Variants in NCKAP5 observed in about 807,000 individuals in gnomAD.
NCKAP5 encodes nck-associated protein 5.
NCKAP5 carries 92 observed loss-of-function variants against 167.0 expected under a neutral mutation model. The ratio of observed to expected loss-of-function variants is 0.55; its 90% CI spans 0.47 to 0.66. The LOEUF (loss-of-function observed/expected upper bound fraction) is 0.66, where lower values mean the gene tolerates loss of function less well. Ranked by LOEUF, NCKAP5 falls within the 30% of genes least tolerant of loss-of-function variation. The pLI, the probability that NCKAP5 is intolerant of heterozygous loss-of-function variation, is 0.00. For synonymous variants in NCKAP5, 891 were observed against 877.4 expected (o/e 1.02, Z -0.27); for missense variants, 2,378 against 2,315.0 (o/e 1.03, Z -0.56).
the NCKAP5 span, among the ~76,000 whole-genome samples, chr2:133,589,409 G>A: frequency 1.3e-5 from 2 of 152,156 alleles, no homozygotes; most frequent in Non-Finnish European, 2.9e-5. Context: ...TTTCACGGGG[G>A]AATTGGGAGT....
At chr2:133,105,181 A>G (rs1380594132) in intron 6 of NCKAP5, among the ~76,000 whole-genome samples, 1 of 152,250 alleles carries the variant, frequency 6.6e-6, no homozygotes, top group Non-Finnish European at 1.5e-5. Flanking sequence ...AATTACACCT[A>G]AAATATACTT....
intron 6 of NCKAP5, among the ~76,000 whole-genome samples, chr2:133,055,659 C>T (rs1271834098): frequency 1.3e-5 from 2 of 152,032 alleles, no homozygotes; most frequent in African/African-American, 4.8e-5. Context: ...AATGCACACA[C>T]AGAGGATGAA....
At chr2:132,707,463 G>A (rs1456935039) in intron 19 of NCKAP5, among the ~76,000 whole-genome samples, 1 of 152,224 alleles carries the variant, frequency 6.6e-6, no homozygotes, top group African/African-American at 2.4e-5. Context: ...GGCAAGTCCT[G>A]GGACTGTGCT....
chr2:133,654,651 G>A, the NCKAP5 span, among the ~76,000 whole-genome samples: 5 of 152,136 alleles, frequency 3.3e-5, no homozygotes, highest in South Asian at 4.2e-4. Context: ...AATGACTATC[G>A]CATATTTGCA....
chr2:133,048,334 T>C (rs1315708599), intron 6 of NCKAP5, among the ~76,000 whole-genome samples: 1 of 152,174 alleles, frequency 6.6e-6, no homozygotes, highest in Non-Finnish European at 1.5e-5. Flanking sequence ...TTGGGGACAA[T>C]TAAATGTGCC....
At chr2:133,599,092 G>C in the NCKAP5 span, among the ~76,000 whole-genome samples, 1 of 152,152 alleles carries the variant, frequency 6.6e-6, no homozygotes, top group Admixed American at 6.5e-5. Flanking sequence ...AGTGGATTAG[G>C]GTTCACCCTA....
chr2:132,958,264 C>T (rs1431024071), intron 8 of NCKAP5, among the ~76,000 whole-genome samples: 1 of 152,168 alleles, frequency 6.6e-6, no homozygotes, highest in African/African-American at 2.4e-5. Context: ...ATTCCCATTA[C>T]ATCCCTCTAG....
intron 7 of NCKAP5, among the ~76,000 whole-genome samples, chr2:132,985,669 C>T (rs1242228380): frequency 6.6e-6 from 1 of 152,112 alleles, no homozygotes; most frequent in African/African-American, 2.4e-5. Flanking sequence ...CCACTTAAAA[C>T]AAAAGAGGAA....
chr2:133,458,770 GATAA>G, intron 3 of NCKAP5, among the ~76,000 whole-genome samples: 1 of 152,276 alleles, frequency 6.6e-6, no homozygotes, highest in East Asian at 1.9e-4. Flanking sequence ...AGAGGAGGCT[GATAA>G]GGACTCTCGG....
At chr2:132,932,994 G>T (rs536701547) in intron 8 of NCKAP5, among the ~76,000 whole-genome samples, 2 of 143,756 alleles carry the variant, frequency 1.4e-5, no homozygotes, top group African/African-American at 5.3e-5. Flanking sequence ...GAACGATCTC[G>T]GCTCACTGCA....
chr2:133,102,031 T>C (rs2081530643), intron 6 of NCKAP5, among the ~76,000 whole-genome samples: 1 of 152,188 alleles, frequency 6.6e-6, no homozygotes, highest in South Asian at 2.1e-4. Flanking sequence ...GGAAAAGTGA[T>C]TTTCAAAACT....
At chr2:133,221,501 G>C (rs2086662114) in intron 4 of NCKAP5, among the ~76,000 whole-genome samples, 1 of 152,150 alleles carries the variant, frequency 6.6e-6, no homozygotes, top group South Asian at 2.1e-4. Context: ...CTACAGGCCT[G>C]GTACCATTCT....
chr2:133,503,469 G>T (rs539955361), intron 3 of NCKAP5, among the ~76,000 whole-genome samples: 9 of 152,306 alleles, frequency 5.9e-5, no homozygotes, highest in South Asian at 2.1e-4. Context: ...TAGTAGCAGA[G>T]CTGGGTCTTT....
chr2:133,553,941 C>T (rs72992377), intron 2 of NCKAP5, among the ~76,000 whole-genome samples: 12,868 of 152,182 alleles, frequency 0.085, 887 homozygotes, highest in African/African-American at 0.19. Context: ...GGAACCTCTA[C>T]TCAGTTCTCA....
intron 7 of NCKAP5, among the ~76,000 whole-genome samples, chr2:132,989,176 T>C (rs1176351163): frequency 3.9e-5 from 6 of 152,244 alleles, no homozygotes; most frequent in African/African-American, 1.4e-4. Flanking sequence ...AGTTCTGTGA[T>C]TATTTGCATC....
At chr2:132,702,713 C>T (rs1429518116) in intron 19 of NCKAP5, among the ~76,000 whole-genome samples, 1 of 152,070 alleles carries the variant, frequency 6.6e-6, no homozygotes, top group Non-Finnish European at 1.5e-5. Flanking sequence ...ATCATCACTC[C>T]CAATCAAACT....
intron 3 of NCKAP5, among the ~76,000 whole-genome samples, chr2:133,450,366 T>C (rs780800879): frequency 1.1e-4 from 16 of 152,134 alleles, no homozygotes; most frequent in Non-Finnish European, 2.4e-4. Context: ...AACACAGTTG[T>C]TTTCAGCATA....
intron 2 of NCKAP5, among the ~76,000 whole-genome samples, chr2:133,536,578 C>T (rs560443586): frequency 6.6e-6 from 1 of 151,996 alleles, no homozygotes; most frequent in Non-Finnish European, 1.5e-5. Context: ...TGTGATACCT[C>T]CAGCTTTGCA....
intron 5 of NCKAP5, among the ~76,000 whole-genome samples, chr2:133,138,144 C>T (rs886983117): frequency 2.6e-5 from 4 of 151,054 alleles, no homozygotes; most frequent in Admixed American, 2.0e-4. Flanking sequence ...AGGCATCTAT[C>T]AAAGGCAAAA....
Sources: allele counts gnomAD v4.1 joint callset (sites outside exome capture counted in the v4.1 genomes callset), GRCh38; gene constraint gnomAD v4.1.1; transcripts MANE v1.5; gene names NCBI Gene and HGNC (gene_info 2026-07-23, HGNC 2026-07-21).